The following MYRIP variants were observed in gnomAD, a reference collection of about 807,000 sequenced individuals.
MYRIP encodes myosin VIIA and Rab interacting protein.
In MYRIP, 49 loss-of-function variants were observed where a neutral mutation model predicts 98.0. The observed-to-expected ratio is 0.50, with a 90% CI of 0.40 to 0.63. MYRIP has a LOEUF of 0.63. MYRIP is among the 30% of genes least tolerant of loss of function. The pLI, the probability that MYRIP is intolerant of heterozygous loss-of-function variation, is 0.00. For missense variants in MYRIP, 1,004 were observed against 1,058.2 expected, an observed-to-expected ratio of 0.95 and a Z score of 0.71; for synonymous variants, 404 against 409.5, an observed-to-expected ratio of 0.99 and a Z score of 0.16.
chr3:39,839,521 ATGT>A (rs377681066), intron 1 of MYRIP, among the ~76,000 whole-genome samples: 9 of 152,046 alleles, frequency 5.9e-5, no homozygotes, highest in Non-Finnish European at 1.3e-4. Context: ...GCCTCGCAAA[ATGT>A]TGTGATTACA....
intron 1 of MYRIP, among the ~76,000 whole-genome samples, chr3:39,892,632 G>C (rs544768127): frequency 1.3e-5 from 2 of 152,266 alleles, no homozygotes; most frequent in East Asian, 1.9e-4. Flanking sequence ...ATTGTATCAT[G>C]ATCTGAAAGT....
chr3:40,004,047 C>G (rs1206802969), intron 2 of MYRIP, among the ~76,000 whole-genome samples: 1 of 152,130 alleles, frequency 6.6e-6, no homozygotes, highest in African/African-American at 2.4e-5. Flanking sequence ...GGCCCCTGCC[C>G]CTTGAAAACT....
intron 3 of MYRIP, among the ~76,000 whole-genome samples, chr3:40,071,543 G>A (rs1427259207): frequency 6.7e-6 from 1 of 148,794 alleles, no homozygotes; most frequent in African/African-American, 2.5e-5. Flanking sequence ...ATTGATGATT[G>A]GGGCACAAGG....
At chr3:39,814,873 T>C (rs1194488831) in intron 1 of MYRIP, among the ~76,000 whole-genome samples, 1 of 152,218 alleles carries the variant, frequency 6.6e-6, no homozygotes, top group Non-Finnish European at 1.5e-5. Context: ...ACTATTGATA[T>C]GTTCCTTTCA....
At chr3:40,142,783 G>A (rs1949933574) in intron 3 of MYRIP, among the ~76,000 whole-genome samples, 1 of 152,192 alleles carries the variant, frequency 6.6e-6, no homozygotes, top group Non-Finnish European at 1.5e-5. Flanking sequence ...TAAAAAATAA[G>A]TCAGGGAAAT....
intron 8 of MYRIP, among the ~76,000 whole-genome samples, chr3:40,170,397 G>T (rs1950588849): frequency 6.6e-6 from 1 of 152,168 alleles, no homozygotes; most frequent in East Asian, 1.9e-4. Flanking sequence ...ACTGAGTCCA[G>T]TGGGGGAAAA....
intron 1 of MYRIP, among the ~76,000 whole-genome samples, chr3:39,855,697 C>G (rs1305336481): frequency 6.6e-6 from 1 of 152,186 alleles, no homozygotes; most frequent in Non-Finnish European, 1.5e-5. Context: ...CAGTGCCCCA[C>G]TCAGACCTTG....
chr3:39,937,953 G>C (rs1349540588), intron 2 of MYRIP, among the ~76,000 whole-genome samples: 1 of 152,170 alleles, frequency 6.6e-6, no homozygotes, highest in African/African-American at 2.4e-5. Flanking sequence ...CAAATGAAAA[G>C]GAGGAGGAGA....
intron 1 of MYRIP, among the ~76,000 whole-genome samples, chr3:39,849,273 AG>A (rs1424438202): frequency 1.3e-5 from 2 of 152,242 alleles, no homozygotes; most frequent in Admixed American, 6.5e-5. Flanking sequence ...GAATAAGGAA[AG>A]AAAAAAAATT....
intron 2 of MYRIP, among the ~76,000 whole-genome samples, chr3:39,998,707 C>A (rs953223796): frequency 6.6e-6 from 1 of 152,142 alleles, no homozygotes; most frequent in Non-Finnish European, 1.5e-5. Flanking sequence ...CAAAAAAGAG[C>A]CCGCATTGCC....
intron 1 of MYRIP, among the ~76,000 whole-genome samples, chr3:39,844,829 A>G (rs1941910823): frequency 6.6e-6 from 1 of 152,152 alleles, no homozygotes; most frequent in Non-Finnish European, 1.5e-5. Flanking sequence ...ATCTCTATTT[A>G]TTATAGACAC....
intron 3 of MYRIP, among the ~76,000 whole-genome samples, chr3:40,056,839 A>T (rs1024738883): frequency 4.6e-5 from 7 of 152,162 alleles, no homozygotes; most frequent in Non-Finnish European, 1.0e-4. Flanking sequence ...AGTCTGTGGT[A>T]TGTGTTGGAA....
intron 2 of MYRIP, among the ~76,000 whole-genome samples, chr3:40,012,576 G>C (rs941424675): frequency 2.6e-5 from 4 of 152,120 alleles, no homozygotes; most frequent in African/African-American, 9.7e-5. Context: ...AGTCAGATTA[G>C]CATTTGAATA....
chr3:39,868,400 T>C (rs1942685043), intron 1 of MYRIP, among the ~76,000 whole-genome samples: 1 of 152,154 alleles, frequency 6.6e-6, no homozygotes, highest in Non-Finnish European at 1.5e-5. Flanking sequence ...GGGTTTTTCT[T>C]TTCTCCTGCA....
chr3:40,039,756 G>A (rs2125827809), intron 2 of MYRIP, among the ~76,000 whole-genome samples: 1 of 150,938 alleles, frequency 6.6e-6, no homozygotes, highest in South Asian at 2.1e-4. Context: ...AACTATATTA[G>A]TTTCCTGAGG....
At chr3:40,017,688 T>C (rs552370757) in intron 2 of MYRIP, among the ~76,000 whole-genome samples, 18 of 149,496 alleles carry the variant, frequency 1.2e-4, no homozygotes, top group African/African-American at 4.2e-4. Context: ...AGAAATAATT[T>C]ACTTCTTTTT....
intron 2 of MYRIP, among the ~76,000 whole-genome samples, chr3:40,017,304 CA>C (rs1559562109): frequency 2.0e-5 from 3 of 152,172 alleles, no homozygotes; most frequent in Non-Finnish European, 4.4e-5. Flanking sequence ...ATGACCACTA[CA>C]AAACGATGAG....
intron 1 of MYRIP, among the ~76,000 whole-genome samples, chr3:39,863,293 G>A (rs112257916): frequency 0.054 from 8,183 of 151,758 alleles, 302 homozygotes; most frequent in Middle Eastern, 0.15. Context: ...AAGACAAGAC[G>A]TTAACAAAAT....
intron 3 of MYRIP, among the ~76,000 whole-genome samples, chr3:40,094,500 G>C (rs1948787731): frequency 1.3e-5 from 2 of 152,194 alleles, no homozygotes; most frequent in Admixed American, 6.5e-5. Context: ...AAGGACATCT[G>C]TTGCTAGTTT....
Sources: gnomAD v4.1 joint callset for allele counts (sites outside exome capture counted in the v4.1 genomes callset) on GRCh38, gnomAD v4.1.1 for gene constraint, MANE v1.5 for transcripts, NCBI Gene and HGNC (gene_info 2026-07-23, HGNC 2026-07-21) for gene names.